PHLDB3: variants seen among roughly 807,000 people sequenced by gnomAD.
PHLDB3 encodes pleckstrin homology-like domain family B member 3.
A neutral mutation model predicts 85.7 loss-of-function variants in PHLDB3; 86 were observed. The observed-to-expected ratio is 1.00, with a 90% CI of 0.84 to 1.20. The LOEUF is 1.20. PHLDB3 is among the 50% of genes most tolerant of loss of function. PHLDB3 has a pLI of 0.00. For synonymous variants in PHLDB3, 376 were observed against 349.8 expected, an observed-to-expected ratio of 1.07 and a Z score of -0.83; for missense variants, 995 against 873.0, an observed-to-expected ratio of 1.14 and a Z score of -1.76.
intron 5 of PHLDB3, among the ~76,000 whole-genome samples, chr19:43,497,523 C>G (rs1397179104): frequency 6.6e-6 from 1 of 152,002 alleles, no homozygotes; most frequent in Non-Finnish European, 1.5e-5. Flanking sequence ...ACCAGCCTAG[C>G]CAAAATAGTG....
Position 43,502,177 on chromosome 19 carries a change from T to C in PHLDB3, c.320A>G (p.Glu107Gly). 6.3e-7 allele frequency: 1 copy of C among 1,579,098 alleles called. No individual in the cohort carries two copies. The highest frequency in any genetic ancestry group is 8.6e-7 in the Non-Finnish European group (1 of 1,163,036). The change falls in exon 3 of 16, where the codon GAG (glutamate) becomes GGG (glycine). Residue 107 changes from glutamate (E) to glycine (G), a missense_variant. By Grantham distance (98) the Glu-to-Gly change is moderately conservative. Coordinates refer to ENST00000292140, the MANE Select transcript of PHLDB3 (RefSeq NM_198850.4). ...AARRLQGQQL[E>G]ALTRVALMEQ... ...CATCAGGGCCACACGAGTCAATGCC[T>C]CCAGCTGCTGTCCTTGCAGGCGCCG...
At chr19:43,477,790 A>G (rs1243570328) in intron 15 of PHLDB3, among the ~76,000 whole-genome samples, 3 of 148,198 alleles carry the variant, frequency 2.0e-5, no homozygotes, top group Non-Finnish European at 4.4e-5. Context: ...CCTGGGCGAC[A>G]GAATGAGACT....
At chr19:43,498,474 G>C (rs1261361296) in intron 4 of PHLDB3, among the ~76,000 whole-genome samples, 1 of 151,106 alleles carries the variant, frequency 6.6e-6, no homozygotes, top group Non-Finnish European at 1.5e-5. Flanking sequence ...AGGAGAAAGA[G>C]AAACAAAAAG....
chr19:43,497,093 G>A (rs781610750), intron 6 of PHLDB3, 25 bp downstream of exon 6: 15 of 1,429,722 alleles, frequency 1.0e-5, no homozygotes, highest in South Asian at 1.6e-5. Context: ...AGCAAGGGGG[G>A]CAGCGCTGGT....
In PHLDB3 at chr19:43,502,147, T is replaced by C; in HGVS notation, c.350A>G (p.Gln117Arg). 1 of 1,581,580 alleles carries C rather than the reference T, an allele frequency of 6.3e-7. No homozygotes were observed. The highest frequency in any genetic ancestry group is 2.3e-5 in the East Asian group (1 of 42,958). Residue 117 changes from glutamine (Q) to arginine (R), a missense_variant, in exon 3 of 16, where the codon CAG becomes CGG. By Grantham distance (43) the Gln-to-Arg change is conservative. Transcript: ENST00000292140. The stretch of plus-strand genomic sequence containing the variant: ...CTGGCGCTGTAGCTCCTTCACTCGC[T>C]GCTCCATCAGGGCCACACGAGTCAA... ...EALTRVALME[Q>R]RVKELQRQRK... is the part of the protein sequence containing the mutation.
intron 13 of PHLDB3, among the ~76,000 whole-genome samples, chr19:43,485,482 A>G (rs1247575865): frequency 2.0e-5 from 3 of 152,010 alleles, no homozygotes; most frequent in East Asian, 3.9e-4. Flanking sequence ...AAGTGCTGGG[A>G]TTACAGGCGT....
At chr19:43,493,407 A>G (rs2145927985) in intron 9 of PHLDB3, among the ~76,000 whole-genome samples, 1 of 152,244 alleles carries the variant, frequency 6.6e-6, no homozygotes, top group African/African-American at 2.4e-5. Context: ...AGGCTAAAAC[A>G]AGAGGACCAT....
chr19:43,480,598 TAAAA>T (rs757869618), intron 13 of PHLDB3, among the ~76,000 whole-genome samples: 21 of 151,968 alleles, frequency 1.4e-4, no homozygotes, highest in African/African-American at 2.4e-5. Flanking sequence ...GTCTCAAAAA[TAAAA>T]AAGAAAGAGA....
At chr19:43,485,647 T>C (rs1414103474) in intron 13 of PHLDB3, among the ~76,000 whole-genome samples, 1 of 151,290 alleles carries the variant, frequency 6.6e-6, no homozygotes, top group Non-Finnish European at 1.5e-5. Context: ...AACCTCCACC[T>C]GCGGGTTCAA....
intron 9 of PHLDB3, among the ~76,000 whole-genome samples, 167 bp from the exon 10 acceptor site, chr19:43,487,290 T>C (rs1271878261): frequency 6.6e-6 from 1 of 152,058 alleles, no homozygotes; most frequent in Non-Finnish European, 1.5e-5. Flanking sequence ...ATAAGAAATA[T>C]CAAGCTGAGC....
intron 9 of PHLDB3, among the ~76,000 whole-genome samples, chr19:43,491,210 T>TA (rs1971304485): frequency 6.6e-6 from 1 of 152,216 alleles, no homozygotes; most frequent in Admixed American, 6.6e-5. Context: ...AGCTGACACC[T>TA]ACCTTCATCA....
In PHLDB3 at chr19:43,475,435, G is replaced by A; in HGVS notation, c.1898C>T (p.Ala633Val). The A allele has an allele frequency of 6.2e-7, 1 of 1,613,964 alleles. No individual in the cohort carries two copies. The highest frequency in any genetic ancestry group is 8.5e-7 in the Non-Finnish European group (1 of 1,179,848). The change falls in exon 16 of 16, where the codon GCC becomes GTC. Residue 633 changes from alanine (A) to valine (V), a missense_variant. By Grantham distance (64) the Ala-to-Val change is moderately conservative. Transcript: ENST00000292140. ...TCAGGGGGCGTGGTTTTCGTCAGCGGCGGTCACGATGACGTCCATCCAAAT... is the reference window on the plus strand; with the variant it reads ...TCAGGGGGCGTGGTTTTCGTCAGCGACGGTCACGATGACGTCCATCCAAAT... ...MRIWMDVIVT[A>V]ADENHAP
rs1366983634 is a variant in PHLDB3 at position 43,487,256 on chromosome 19, C to CCTCA, written c.1150-137_1150-134dup. ...ACTGTCCATGTGCTGAGTGAAAGGACCTCACAGGGGTATGATCCCGTTTAT... is the reference window on the plus strand; with the variant it reads ...ACTGTCCATGTGCTGAGTGAAAGGACCTCACTCACAGGGGTATGATCCCGTTTAT... On this transcript the variant is annotated intron_variant, in intron 9 of 15. Transcript: ENST00000292140. 9 of 722,756 alleles carry CCTCA rather than the reference C, an allele frequency of 1.2e-5. No individual in the cohort carries two copies. In the African/African-American group the frequency reaches 1.6e-4, roughly 13 times the overall value. 44.8% of individuals were successfully genotyped at this position (722,756 alleles called of 1,614,324 possible). A position where few individuals can be genotyped will look rare whatever the true frequency, so the allele number is the denominator to read the frequency against.
intron 15 of PHLDB3, among the ~76,000 whole-genome samples, chr19:43,475,898 C>T (rs1167818943): frequency 6.6e-6 from 1 of 152,080 alleles, no homozygotes; most frequent in Non-Finnish European, 1.5e-5. Flanking sequence ...CGAGTTCAAG[C>T]GATTCTCCTG....
intron 9 of PHLDB3, among the ~76,000 whole-genome samples, chr19:43,487,591 A>AAAAAAAAAACAC (rs1167897767): frequency 1.7e-5 from 2 of 115,768 alleles, no homozygotes; most frequent in African/African-American, 6.3e-5. Context: ...AAAAAAAAAA[A>AAAAAAAAAACAC]ACACAGAAAA....
chr19:43,493,686 T>C (rs1398498114), intron 9 of PHLDB3, among the ~76,000 whole-genome samples: 1 of 151,944 alleles, frequency 6.6e-6, no homozygotes, highest in Non-Finnish European at 1.5e-5. Context: ...AAATGATAAA[T>C]ACTTGAGGTG....
chr19:43,487,150 T>C, intron 9 of PHLDB3, 27 bp from the exon 10 acceptor site: 1 of 1,544,978 alleles, frequency 6.5e-7, no homozygotes, highest in East Asian at 2.4e-5. Flanking sequence ...CTCATGAGCA[T>C]AGGAAAAAGG....
At chr19:43,481,546 A>T (rs770024492) in intron 13 of PHLDB3, among the ~76,000 whole-genome samples, 8 of 152,108 alleles carry the variant, frequency 5.3e-5, no homozygotes. Context: ...TGAACTCGGG[A>T]GGTGGAGGTT....
chr19:43,499,630 A>C (rs1971542302), intron 4 of PHLDB3, among the ~76,000 whole-genome samples: 1 of 152,118 alleles, frequency 6.6e-6, no homozygotes, highest in Non-Finnish European at 1.5e-5. Context: ...CATACACGAC[A>C]CTTGCAAAGA....
Sources: allele counts gnomAD v4.1 joint callset (sites outside exome capture counted in the v4.1 genomes callset), GRCh38; gene constraint gnomAD v4.1.1; transcripts MANE v1.5; gene names NCBI Gene and HGNC (gene_info 2026-07-23, HGNC 2026-07-21).